Variants in ACSM3 observed in about 807,000 individuals in gnomAD.
ACSM3 encodes acyl-CoA synthetase medium chain family member 3, also known as acyl-coenzyme A synthetase ACSM3, mitochondrial.
In ACSM3, 61 loss-of-function variants were observed where a neutral mutation model predicts 74.1. That is an observed-to-expected ratio of 0.82 (90% confidence interval 0.67 to 1.02). The LOEUF (loss-of-function observed/expected upper bound fraction) is 1.02, where lower values mean the gene tolerates loss of function less well. ACSM3 is among the 50% of genes least tolerant of loss of function. The probability of loss-of-function intolerance (pLI) is 0.00; values close to 1 mark genes in which losing one functional copy is unlikely to be tolerated. For synonymous variants in ACSM3, 213 were observed against 241.5 expected (o/e 0.88, Z 1.09); for missense variants, 660 against 697.0 (o/e 0.95, Z 0.60).
intron 8 of ACSM3, 128 bp from the exon 9 acceptor site, chr16:20,785,950 T>G: frequency 1.6e-5 from 9 of 575,896 alleles, no homozygotes; most frequent in East Asian, 3.1e-5. Flanking sequence ...TCCATGAGAG[T>G]ATAGCATTCA....
In ACSM3 at chr16:20,775,950, C is replaced by T. The variant is rs2080250321; in HGVS notation, c.331C>T (p.Leu111Phe). The change falls in exon 3 of 14, where the codon CTT becomes TTT. Residue 111 changes from leucine (L) to phenylalanine (F), a missense_variant. Leu to Phe is a conservative substitution (Grantham distance 22, BLOSUM62 0). Transcript: ENST00000289416. ...GSLSRKFANILSEACSLQRGD... is the reference protein window; with the variant it reads ...GSLSRKFANIFSEACSLQRGD... ...TCTGTCCAGAAAATTTGCCAATATA[C>T]TTTCAGAAGCCTGTTCCCTACAAAG... 2 of 1,614,060 alleles carry T rather than the reference C, an allele frequency of 1.2e-6. No individual in the cohort carries two copies. Among genetic ancestry groups the T allele is most frequent in the South Asian group, 1.1e-5 (1 of 91,090 alleles).
chr16:20,753,789 G>A (rs926885815), intron 2 of ACSM3, among the ~76,000 whole-genome samples: 1 of 151,350 alleles, frequency 6.6e-6, no homozygotes. Flanking sequence ...ATTTTCACAT[G>A]GGAAATATTA....
chr16:20,768,652 T>C (rs2080155190), intron 1 of ACSM3, among the ~76,000 whole-genome samples: 1 of 152,204 alleles, frequency 6.6e-6, no homozygotes, highest in African/African-American at 2.4e-5. Context: ...TTTTTTTTAA[T>C]GCTTTCTTGG....
At chr16:20,678,494 G>T (rs1256757420) in intron 1 of ACSM3, among the ~76,000 whole-genome samples, 1 of 152,158 alleles carries the variant, frequency 6.6e-6, no homozygotes, top group Non-Finnish European at 1.5e-5. Context: ...GAACTTCACC[G>T]AATTACCCTG....
At chr16:20,756,961 T>A (rs1030128995) in intron 3 of ACSM3, among the ~76,000 whole-genome samples, 15 of 152,038 alleles carry the variant, frequency 9.9e-5, no homozygotes, top group African/African-American at 3.6e-4. Flanking sequence ...GCGGCGTTAT[T>A]TCTGAGGGCT....
intron 1 of ACSM3, among the ~76,000 whole-genome samples, chr16:20,715,486 T>TC (rs1285780772): frequency 2.0e-5 from 3 of 152,034 alleles, no homozygotes; most frequent in African/African-American, 7.2e-5. Flanking sequence ...TGCCTGTAGT[T>TC]CCAGCTACTC....
chr16:20,770,048 T>A lies in ACSM3; in HGVS notation c.14T>A (p.Val5Asp), dbSNP rs2080172389. The A allele has an allele frequency of 6.2e-7, 1 of 1,614,076 alleles. No individual in the cohort carries two copies. The highest frequency in any genetic ancestry group is 1.1e-5 in the South Asian group (1 of 91,084). MLARVTRKMLRHAKC... is the reference protein window; with the variant it reads MLARDTRKMLRHAKC... Reference sequence around the variant, plus strand: ...CCAACAAGACTGATGCTAGCTCGTGTCACCAGGAAGATGCTACGTCATGCC... The same window carrying A: ...CCAACAAGACTGATGCTAGCTCGTGACACCAGGAAGATGCTACGTCATGCC... The change falls in exon 2 of 14, where the codon GTC (valine) becomes GAC (aspartate). Residue 5 changes from valine to aspartate, a missense_variant. Physicochemically the swap from Val to Asp is radical, Grantham distance 152 (BLOSUM62 -3). Transcript: ENST00000289416.
At position 20,741,781 on chromosome 16, in the gene ACSM3, G is replaced by A. The variant is rs138594356; in HGVS notation, c.-189-8129G>A. The A allele has an allele frequency of 3.8e-5, 59 of 1,549,438 alleles. No homozygotes were observed. In the East Asian group the frequency reaches 1.4e-3, roughly 37 times the overall value. On this transcript the variant is annotated intron_variant, in intron 1 of 3. Coordinates refer to the ACSM3 transcript ENST00000561584. ...GAGGAAAGAGAAACGTTTCTCCGCT[G>A]CTGTTGGCGTCCTCGTCTATCGCCG...
chr16:20,742,310 C>T (rs991621498), intron 1 of ACSM3, among the ~76,000 whole-genome samples: 52 of 152,244 alleles, frequency 3.4e-4, no homozygotes, highest in Admixed American at 1.5e-3. Context: ...TCCTTGAGCC[C>T]AGTCGAGAAG....
chr16:20,741,975 A>T (rs765154895), intron 1 of ACSM3: 2 of 1,524,226 alleles, frequency 1.3e-6, no homozygotes, highest in Admixed American at 2.0e-5. Context: ...ACCTGAATCC[A>T]GTAGAGGCAG....
chr16:20,796,245 A>C (rs552127145), intron 12 of ACSM3, 125 bp from the exon 13 acceptor site: 2 of 1,447,558 alleles, frequency 1.4e-6, no homozygotes, highest in East Asian at 4.9e-5. Flanking sequence ...AGCTGGGATC[A>C]AACTTTATTA....
intron 1 of ACSM3, among the ~76,000 whole-genome samples, chr16:20,717,304 A>G (rs2079765839): frequency 6.6e-6 from 1 of 152,214 alleles, no homozygotes; most frequent in Non-Finnish European, 1.5e-5. Context: ...ATCTTAAACC[A>G]AAGGAATGAC....
intron 1 of ACSM3, chr16:20,741,481 G>GGCCCCCCCCCCCCCC: frequency 7.6e-7 from 1 of 1,308,414 alleles, no homozygotes; most frequent in South Asian, 1.8e-5. Flanking sequence ...CTGGCAGCCG[G>GGCCCCCCCCCCCCCC]CCCGCCCGCC....
chr16:20,740,339 G>GAGCA (rs1383845515), intron 1 of ACSM3, among the ~76,000 whole-genome samples: 2 of 152,208 alleles, frequency 1.3e-5, no homozygotes, highest in African/African-American at 4.8e-5. Context: ...AAGTTGCAGT[G>GAGCA]AGCAAGAGCA....
chr16:20,730,499 A>T (rs754216790), intron 1 of ACSM3, among the ~76,000 whole-genome samples: 12 of 152,128 alleles, frequency 7.9e-5, no homozygotes, highest in Non-Finnish European at 1.5e-4. Context: ...AAATTTCAAA[A>T]GTTTGTCTCT....
chr16:20,703,209 AC>A (rs2079718135), intron 1 of ACSM3: 1 of 152,260 alleles, frequency 6.6e-6, no homozygotes, highest in Non-Finnish European at 1.5e-5. Context: ...TGTTTTGGTT[AC>A]AGTAGCCTTG....
At chr16:20,742,811 ATATTTTT>A (rs1321157044) in intron 1 of ACSM3, among the ~76,000 whole-genome samples, 657 of 33,010 alleles carry the variant, frequency 0.02, 3 homozygotes, top group Non-Finnish European at 0.033. Context: ...ATATATATAT[ATATTTTT>A]TTTTTTTCCC....
At chr16:20,742,909 G>A (rs2079940975) in intron 1 of ACSM3, among the ~76,000 whole-genome samples, 1 of 144,670 alleles carries the variant, frequency 6.9e-6, no homozygotes, top group South Asian at 2.2e-4. Flanking sequence ...GATAAAGGTT[G>A]TTTACCCCCA....
intron 1 of ACSM3, chr16:20,738,995 ACTT>A: frequency 6.2e-7 from 1 of 1,614,112 alleles, no homozygotes; most frequent in Non-Finnish European, 8.5e-7. Flanking sequence ...AATGTCACCA[ACTT>A]CTTTCTTCAA....
Sources: gnomAD v4.1 joint callset for allele counts (sites outside exome capture counted in the v4.1 genomes callset) on GRCh38, gnomAD v4.1.1 for gene constraint, MANE v1.5 for transcripts, NCBI Gene and HGNC (gene_info 2026-07-23, HGNC 2026-07-21) for gene names.